Variants in PATL1 observed in about 807,000 individuals in gnomAD.
PATL1 encodes the protein PAT1 homolog 1, processing body mRNA decay factor.
PATL1 carries 32 observed loss-of-function variants against 100.6 expected under a neutral mutation model. The ratio of observed to expected loss-of-function variants is 0.32; its 90% confidence interval spans 0.24 to 0.43. The LOEUF (loss-of-function observed/expected upper bound fraction) is 0.43. PATL1 is among the 20% of genes least tolerant of loss of function. The pLI is 1.00. For missense variants in PATL1, 747 were observed against 949.9 expected (o/e 0.79, Z 2.81); for synonymous variants, 332 against 330.0 (o/e 1.01, Z -0.07).
At chr11:59,651,016 T>C (rs546992819) in intron 12 of PATL1, among the ~76,000 whole-genome samples, 11 of 152,268 alleles carry the variant, frequency 7.2e-5, no homozygotes, top group East Asian at 3.9e-4. Flanking sequence ...CATTCACAGA[T>C]AGGCAAAGGG....
intron 16 of PATL1, chr11:59,642,625 GA>G (rs1456846350): frequency 2.7e-5 from 9 of 332,230 alleles, no homozygotes; most frequent in South Asian, 1.4e-4. Context: ...AATGGCAGAG[GA>G]AAAAAAGTGA....
chr11:59,651,393 C>T (rs1861441271), intron 12 of PATL1, 151 bp downstream of exon 12: 1 of 626,408 alleles, frequency 1.6e-6, no homozygotes, highest in Non-Finnish European at 2.8e-6. Context: ...TACTGCAGCA[C>T]ATCTGTGGAA....
intron 1 of PATL1, among the ~76,000 whole-genome samples, chr11:59,668,296 C>T (rs1331631738): frequency 6.6e-6 from 1 of 152,186 alleles, no homozygotes; most frequent in Admixed American, 6.5e-5. Context: ...CTTCTCCAAA[C>T]CCGCGTCTCC....
At chr11:59,645,809 TA>T (rs1861356784) in intron 15 of PATL1, among the ~76,000 whole-genome samples, 1 of 152,216 alleles carries the variant, frequency 6.6e-6, no homozygotes, top group South Asian at 2.1e-4. Flanking sequence ...AGGACTCTAG[TA>T]ATCTATTAAC....
intron 4 of PATL1, among the ~76,000 whole-genome samples, chr11:59,658,600 C>T (rs750310800): frequency 5.9e-5 from 9 of 151,956 alleles, no homozygotes; most frequent in South Asian, 2.1e-4. Flanking sequence ...TGGGATTACA[C>T]GCGTGAGCCA....
At chr11:59,646,599 A>C (rs546459524) in intron 15 of PATL1, among the ~76,000 whole-genome samples, 2 of 152,254 alleles carry the variant, frequency 1.3e-5, no homozygotes, top group East Asian at 3.9e-4. Context: ...TGAAAGAATA[A>C]TTTCCCTTTC....
At position 59,660,151 on chromosome 11, in the gene PATL1, C is replaced by CAT. The variant is rs149878706; in HGVS notation, c.128-684_128-683dup. ...AAAACTTTAAAGGGAAGTTAAAACT[C>CAT]ATAGCATTAGCATACAACTTCCTCT... On this transcript the variant is annotated intron_variant, in intron 2 of 18. Transcript: ENST00000300146. Among the ~76,000 whole-genome samples, 1,069 of 152,328 alleles carry CAT rather than the reference C, an allele frequency of 7.0e-3. 10 individuals are homozygous for CAT. Among genetic ancestry groups the CAT allele is most frequent in the African/African-American group, 0.025 (1,029 of 41,560 alleles).
intron 2 of PATL1, among the ~76,000 whole-genome samples, chr11:59,662,895 T>C (rs1176209496): frequency 6.6e-6 from 1 of 152,206 alleles, no homozygotes; most frequent in African/African-American, 2.4e-5. Flanking sequence ...TAAGTCGCCA[T>C]ATTCTGTGAG....
chr11:59,644,579 T>TG (rs1205532782), intron 15 of PATL1, among the ~76,000 whole-genome samples: 8 of 152,188 alleles, frequency 5.3e-5, no homozygotes, highest in African/African-American at 1.9e-4. Context: ...CTGGGTCATT[T>TG]GTTCTATAGT....
Position 59,640,677 on chromosome 11 carries a change from G to A in PATL1, c.2050-1294C>T, listed in dbSNP as rs561589992. Among the ~76,000 whole-genome samples, 27 of 150,932 alleles carry A rather than the reference G, an allele frequency of 1.8e-4. No homozygotes were observed. In the South Asian group the frequency reaches 3.8e-3, roughly 21 times the overall value. ...GGAGCTTGCAGTGAGCTGCGATCGC[G>A]CCACTGCACTCCAGCCTGGGTGACA... On this transcript the variant is annotated intron_variant, in intron 16 of 18. Coordinates refer to ENST00000300146, the MANE Select transcript of PATL1 (RefSeq NM_152716.3).
At chr11:59,639,504 G>C (rs1240837160) in intron 16 of PATL1, 121 bp from the exon 17 acceptor site, 1 of 719,084 alleles carries the variant, frequency 1.4e-6, no homozygotes, top group African/African-American at 1.8e-5. Context: ...TCACTACTGT[G>C]CTTTTCTGTA....
At chr11:59,657,867 G>A in intron 4 of PATL1, 143 bp from the exon 5 acceptor site, 1 of 702,486 alleles carries the variant, frequency 1.4e-6, no homozygotes, top group Non-Finnish European at 2.1e-6. Flanking sequence ...TTCACTTTTT[G>A]GTATATGGTT....
Position 59,647,004 on chromosome 11 carries a change from G to A in PATL1, c.1893+750C>T, listed in dbSNP as rs532229414. On this transcript the variant is annotated intron_variant, in intron 15 of 18. Transcript: ENST00000300146. ...GGAGGCCAAGGCAAGAGGACTGCAC[G>A]AGTCTAGGAGTTTGAGACCAGCCTG... 4.5e-4 allele frequency among the ~76,000 whole-genome samples: 68 copies of A among 152,136 alleles called. 1 individual carries two copies. The highest frequency in any genetic ancestry group is 1.7e-3 in the South Asian group (8 of 4,820).
intron 2 of PATL1, 121 bp from the exon 3 acceptor site, chr11:59,659,590 G>C: frequency 1.1e-6 from 1 of 913,172 alleles, no homozygotes. Context: ...GCAGTGCAGT[G>C]GCGTGATCTC....
Position 59,637,145 on chromosome 11 carries a change from T to G in PATL1, c.*1245A>C, listed in dbSNP as rs1427164891. 1 of 152,480 alleles carries G rather than the reference T, an allele frequency of 6.6e-6. No homozygotes were observed. Among genetic ancestry groups the G allele is most frequent in the African/African-American group, 2.4e-5 (1 of 41,402 alleles). 9.4% of individuals were successfully genotyped at this position (152,480 alleles called of 1,614,324 possible). A position where few individuals can be genotyped will look rare whatever the true frequency, so the allele number is the denominator to read the frequency against. On this transcript the variant is annotated 3_prime_UTR_variant, in exon 19 of 19. Transcript: ENST00000300146. ...AACAGCAGAAAGATCACGAAGGCCATGTAAAATTAATTCAGATTTAATTTT... is the reference window on the plus strand; with the variant it reads ...AACAGCAGAAAGATCACGAAGGCCAGGTAAAATTAATTCAGATTTAATTTT...
chr11:59,642,915 A>C lies in PATL1; in HGVS notation c.2014T>G (p.Ser672Ala). 3.7e-6 allele frequency: 6 copies of C among 1,613,926 alleles called. No homozygotes were observed. Among genetic ancestry groups the C allele is most frequent in the Non-Finnish European group, 5.1e-6 (6 of 1,179,860 alleles). ...LPQSAATPAL[S>A]NPHLTAVLQN... ...AGCACAGCAGTGAGGTGAGGATTGG[A>C]GAGTGCTGGTGTAGCTGCACTTTGA... is the stretch of plus-strand genomic sequence containing the variant. The change falls in exon 16 of 19, where the codon TCC becomes GCC. Residue 672 changes from serine (S) to alanine (A), a missense_variant. Physicochemically the swap from Ser to Ala is moderately conservative, Grantham distance 99. Coordinates refer to ENST00000300146, the MANE Select transcript of PATL1 (RefSeq NM_152716.3).
At chr11:59,650,125 A>G (rs1000096781) in intron 13 of PATL1, among the ~76,000 whole-genome samples, 3 of 145,116 alleles carry the variant, frequency 2.1e-5, no homozygotes, top group Non-Finnish European at 4.6e-5. Context: ...CCATCTCAAA[A>G]GGAAAAAAAA....
intron 15 of PATL1, among the ~76,000 whole-genome samples, chr11:59,643,439 A>G (rs1301046163): frequency 6.6e-6 from 1 of 151,922 alleles, no homozygotes; most frequent in East Asian, 1.9e-4. Context: ...GGCCATTTCA[A>G]TATACTGTGA....
chr11:59,638,393 T>C lies in PATL1; in HGVS notation c.2310A>G (p.Arg770=), dbSNP rs371334870. The change falls in exon 19 of 19, where the codon CGA becomes CGG. Residue 770 remains arginine, a synonymous_variant. Transcript: ENST00000300146. The part of the protein sequence containing the change: ...ETKLQLVQGI[R] ...ACAGGACACATTTGGAGATCTTTTA[T>C]CGTATCCCCTGAACTAGCCTAGGAG... 1.2e-6 allele frequency: 2 copies of C among 1,612,554 alleles called. No homozygotes were observed. Among genetic ancestry groups the C allele is most frequent in the Non-Finnish European group, 1.7e-6 (2 of 1,178,986 alleles).
Sources: allele counts gnomAD v4.1 joint callset (sites outside exome capture counted in the v4.1 genomes callset), GRCh38; gene constraint gnomAD v4.1.1; transcripts MANE v1.5; gene names NCBI Gene and HGNC (gene_info 2026-07-23, HGNC 2026-07-21).